Variants in FAF1 observed in about 807,000 individuals in gnomAD.
FAF1 encodes the protein FAS-associated factor 1.
A neutral mutation model predicts 92.5 loss-of-function variants in FAF1; 25 were observed. That is an observed-to-expected ratio of 0.27 (90% CI 0.20 to 0.38). The LOEUF (loss-of-function observed/expected upper bound fraction) is 0.38. FAF1 is among the 10% of genes least tolerant of loss of function. The pLI, the probability that FAF1 is intolerant of heterozygous loss-of-function variation, is 1.00. For synonymous variants in FAF1, 234 were observed against 273.2 expected, an observed-to-expected ratio of 0.86 and a Z score of 1.42; for missense variants, 636 against 793.3, an observed-to-expected ratio of 0.80 and a Z score of 2.38.
intron 3 of FAF1, among the ~76,000 whole-genome samples, chr1:50,794,115 T>C (rs1206582675): frequency 6.6e-6 from 1 of 152,256 alleles, no homozygotes; most frequent in Non-Finnish European, 1.5e-5. Context: ...GTAGGACGCA[T>C]GCATGTTAGG....
chr1:50,700,492 T>A (rs1657421291), intron 7 of FAF1, among the ~76,000 whole-genome samples: 1 of 152,174 alleles, frequency 6.6e-6, no homozygotes, highest in Non-Finnish European at 1.5e-5. Context: ...GTCTCTTCAA[T>A]TAGCACTATT....
intron 18 of FAF1, among the ~76,000 whole-genome samples, chr1:50,443,201 A>G (rs1427742009): frequency 6.6e-6 from 1 of 152,188 alleles, no homozygotes. Flanking sequence ...GTTTGTTGGG[A>G]GAAACGATCA....
chr1:50,764,925 G>A (rs917125617), intron 4 of FAF1, among the ~76,000 whole-genome samples: 6 of 152,082 alleles, frequency 3.9e-5, no homozygotes, highest in Admixed American at 6.6e-5. Flanking sequence ...CTATCTTTAC[G>A]TTGGAAACTA....
chr1:50,905,830 C>T (rs1644833196), intron 1 of FAF1, among the ~76,000 whole-genome samples: 2 of 152,146 alleles, frequency 1.3e-5, no homozygotes. Context: ...CTGTAGGTTG[C>T]CTGTTCACTC....
chr1:50,474,950 G>C (rs1049748413), intron 18 of FAF1, among the ~76,000 whole-genome samples: 1 of 152,194 alleles, frequency 6.6e-6, no homozygotes, highest in Non-Finnish European at 1.5e-5. Flanking sequence ...AATACTATGA[G>C]AGACTATCAA....
At position 50,742,310 on chromosome 1, in the gene FAF1, T is replaced by C. The variant is rs1269132453; in HGVS notation, c.459+2374A>G. Among the ~76,000 whole-genome samples, 3 of 147,972 alleles carry C rather than the reference T, an allele frequency of 2.0e-5. No individual in the cohort carries two copies. In the East Asian group the frequency reaches 6.0e-4, roughly 30 times the overall value. ...GCCTAAGCAACAGGGTGAGAACTCA[T>C]CTCATAAAAAGAAAAAAGAAGAAGA... is the stretch of plus-strand genomic sequence containing the variant. On this transcript the variant is annotated intron_variant, in intron 5 of 18. Coordinates refer to ENST00000396153, the MANE Select transcript of FAF1 (RefSeq NM_007051.3).
chr1:50,532,525 A>G (rs1648231339), intron 15 of FAF1, among the ~76,000 whole-genome samples: 1 of 152,198 alleles, frequency 6.6e-6, no homozygotes, highest in East Asian at 1.9e-4. Flanking sequence ...AACACCTATT[A>G]TTACAAATTC....
At chr1:50,903,926 C>A (rs1451430078) in intron 1 of FAF1, among the ~76,000 whole-genome samples, 4 of 152,168 alleles carry the variant, frequency 2.6e-5, no homozygotes, top group Non-Finnish European at 4.4e-5. Context: ...AAGCTACGTA[C>A]ATGAAAACTG....
chr1:50,735,639 G>C lies in FAF1; in HGVS notation c.551+3224C>G, dbSNP rs562164712. Among the ~76,000 whole-genome samples, 19 of 152,296 alleles carry C rather than the reference G, an allele frequency of 1.2e-4. No homozygotes were observed. In the South Asian group the frequency reaches 3.7e-3, roughly 30 times the overall value. On this transcript the variant is annotated intron_variant, in intron 6 of 18. Transcript: ENST00000396153. Reference sequence around the variant, plus strand: ...TTAACAGGACATGGTTTGAGATACAGTTTTCTGTATGTATACTTCTTTAAC... The same window carrying C: ...TTAACAGGACATGGTTTGAGATACACTTTTCTGTATGTATACTTCTTTAAC...
chr1:50,835,451 C>T (rs1373276689), intron 2 of FAF1, among the ~76,000 whole-genome samples: 4 of 150,344 alleles, frequency 2.7e-5, no homozygotes. Context: ...CAACTTAGAA[C>T]AAATCATTTA....
At chr1:50,957,367 TTTGA>T (rs1645275909) in intron 1 of FAF1, among the ~76,000 whole-genome samples, 1 of 88,402 alleles carries the variant, frequency 1.1e-5, no homozygotes, top group Non-Finnish European at 2.8e-5. Context: ...TTTTTTTTTT[TTTGA>T]GACAGAGTCT....
intron 18 of FAF1, among the ~76,000 whole-genome samples, chr1:50,460,225 ACATAT>A (rs1396415018): frequency 6.6e-6 from 1 of 152,138 alleles, no homozygotes; most frequent in Non-Finnish European, 1.5e-5. Flanking sequence ...AATTCCCCAA[ACATAT>A]CATACTGATT....
chr1:50,504,351 C>A, intron 15 of FAF1, among the ~76,000 whole-genome samples: 1 of 148,060 alleles, frequency 6.8e-6, no homozygotes, highest in Non-Finnish European at 1.5e-5. Flanking sequence ...AGATGAAAGA[C>A]AAGTACCCAA....
chr1:50,785,502 C>A (rs1230918036), intron 4 of FAF1, among the ~76,000 whole-genome samples: 1 of 151,596 alleles, frequency 6.6e-6, no homozygotes, highest in African/African-American at 2.4e-5. Context: ...AAAAGACATA[C>A]AAATGGCCAA....
intron 1 of FAF1, among the ~76,000 whole-genome samples, chr1:50,905,286 T>C (rs139590428): frequency 0.043 from 6,520 of 152,306 alleles, 210 homozygotes; most frequent in Non-Finnish European, 0.061. Context: ...CAGTCTATCA[T>C]TGATGGACAT....
intron 7 of FAF1, among the ~76,000 whole-genome samples, chr1:50,692,241 C>CTGTGTGTGTGTGTGTGTGTG (rs59187392): frequency 1.6e-5 from 2 of 129,002 alleles, no homozygotes; most frequent in Non-Finnish European, 3.2e-5. Flanking sequence ...GAAGTATTTA[C>CTGTGTGTGTGTGTGTGTGTG]TGTGTGTGTG....
At chr1:50,569,258 A>G (rs989973060) in intron 12 of FAF1, among the ~76,000 whole-genome samples, 9 of 152,122 alleles carry the variant, frequency 5.9e-5, no homozygotes, top group East Asian at 3.9e-4. Flanking sequence ...CATTAGTATT[A>G]TAACTGTTTA....
intron 8 of FAF1, among the ~76,000 whole-genome samples, chr1:50,632,723 C>T (rs1311463988): frequency 2.0e-5 from 3 of 152,086 alleles, no homozygotes; most frequent in Non-Finnish European, 4.4e-5. Context: ...ACATCAGCTA[C>T]CCAGACAGTG....
intron 2 of FAF1, among the ~76,000 whole-genome samples, chr1:50,827,026 C>T (rs2124627656): frequency 6.7e-6 from 1 of 150,136 alleles, no homozygotes; most frequent in Admixed American, 6.6e-5. Flanking sequence ...CCCGGCCGCC[C>T]CGTCTGGGAG....
Sources: allele counts gnomAD v4.1 joint callset (sites outside exome capture counted in the v4.1 genomes callset), GRCh38; gene constraint gnomAD v4.1.1; transcripts MANE v1.5; gene names NCBI Gene and HGNC (gene_info 2026-07-23, HGNC 2026-07-21).